Variants in WDPCP observed in about 807,000 individuals in gnomAD.
WDPCP encodes WD repeat-containing and planar cell polarity effector protein fritz homolog.
A neutral mutation model predicts 93.1 loss-of-function variants in WDPCP; 71 were observed. That is an observed-to-expected ratio of 0.76 (90% confidence interval 0.63 to 0.93). The LOEUF (loss-of-function observed/expected upper bound fraction) is 0.93, where lower values mean the gene tolerates loss of function less well. WDPCP is among the 40% of genes least tolerant of loss of function. The pLI is 0.00. For synonymous variants in WDPCP, 315 were observed against 315.0 expected (o/e 1.00, Z 0.00); for missense variants, 844 against 887.4 (o/e 0.95, Z 0.62).
At chr2:63,305,673 C>A (rs1685677169) in intron 13 of WDPCP, among the ~76,000 whole-genome samples, 1 of 151,992 alleles carries the variant, frequency 6.6e-6, no homozygotes, top group Admixed American at 6.6e-5. Flanking sequence ...CAGCTCCTTG[C>A]CAGCAAGGGA....
chr2:63,265,652 A>T (rs1267636306), intron 13 of WDPCP, among the ~76,000 whole-genome samples: 2 of 152,190 alleles, frequency 1.3e-5, no homozygotes, highest in Admixed American at 1.3e-4. Context: ...CGTACTTCCA[A>T]ACTCACTGTG....
At chr2:63,368,772 C>A (rs1691144211) in intron 12 of WDPCP, 1 of 152,140 alleles carries the variant, frequency 6.6e-6, no homozygotes, top group Admixed American at 6.6e-5. Context: ...AAGGTTGTGT[C>A]TACATTGTAT....
intron 9 of WDPCP, among the ~76,000 whole-genome samples, chr2:63,424,834 A>T (rs1696141674): frequency 6.6e-6 from 1 of 152,190 alleles, no homozygotes; most frequent in Non-Finnish European, 1.5e-5. Flanking sequence ...CCTGAGGCCT[A>T]GAATACCTAA....
intron 13 of WDPCP, among the ~76,000 whole-genome samples, chr2:63,265,790 G>A (rs1448252946): frequency 6.6e-6 from 1 of 152,058 alleles, no homozygotes; most frequent in Non-Finnish European, 1.5e-5. Context: ...AAATTCAGTG[G>A]CACATTAAAA....
In WDPCP at chr2:63,763,796, T is replaced by G. The variant is rs183368360; in HGVS notation, n.308+49826A>C. ...TGTGCCAAAAAATTGCTGTTAGAAG[T>G]TGTTTTTAAAAATAGAATCTTTAAG... On this transcript the variant is annotated intron_variant and non_coding_transcript_variant, in intron 2 of 4. Transcript: ENST00000467687. 1.2e-4 allele frequency among the ~76,000 whole-genome samples: 19 copies of G among 152,242 alleles called. No homozygotes were observed. The East Asian group carries it at 1.7e-3, about 14-fold the overall frequency.
At chr2:63,442,543 A>G (rs369478598) in intron 6 of WDPCP, 46 of 152,108 alleles carry the variant, frequency 3.0e-4, no homozygotes, top group African/African-American at 9.9e-4. Context: ...TTGTTAACCA[A>G]CTCTGAGCAC....
chr2:63,706,607 T>C (rs926145973), intron 2 of WDPCP, among the ~76,000 whole-genome samples: 20 of 130,550 alleles, frequency 1.5e-4, no homozygotes, highest in Non-Finnish European at 3.3e-4. Flanking sequence ...TTTCTTTTTT[T>C]TTTTTTTTTT....
At chr2:63,453,518 T>C (rs1314385583) in intron 6 of WDPCP, among the ~76,000 whole-genome samples, 3 of 152,190 alleles carry the variant, frequency 2.0e-5, no homozygotes, top group Non-Finnish European at 2.9e-5. Flanking sequence ...AGTTCAATCA[T>C]TGTGGAAGAC....
chr2:63,645,345 C>T (rs262479), intron 3 of WDPCP, among the ~76,000 whole-genome samples: 122,440 of 152,180 alleles, frequency 0.8, 49,909 homozygotes, highest in East Asian at 0.98. Context: ...TTTAGTTGTA[C>T]TCCATTGTGA....
At chr2:63,795,507 AAAAG>A (rs1224663205) in intron 2 of WDPCP, among the ~76,000 whole-genome samples, 14 of 151,740 alleles carry the variant, frequency 9.2e-5, no homozygotes, top group East Asian at 1.9e-4. Context: ...CTCAAAAAAA[AAAAG>A]AAAGAAAGAA....
intron 2 of WDPCP, among the ~76,000 whole-genome samples, chr2:63,796,088 T>C (rs1405204291): frequency 6.6e-6 from 1 of 152,234 alleles, no homozygotes; most frequent in Non-Finnish European, 1.5e-5. Flanking sequence ...GTTTCTCTAC[T>C]TTTTAAAAAA....
chr2:63,188,344 T>A (rs1474360938), intron 14 of WDPCP, among the ~76,000 whole-genome samples: 11 of 152,140 alleles, frequency 7.2e-5, no homozygotes, highest in Non-Finnish European at 1.3e-4. Context: ...CAGGTTCTGT[T>A]AATTTATCTT....
chr2:63,433,202 C>T lies in WDPCP; in HGVS notation c.825+543G>A, dbSNP rs17027873. ...CTATAGCTCTCCTTAAATATCCTTG[C>T]GCCAAATGCGGTCTGGCACGACAGG... On this transcript the variant is annotated intron_variant, in intron 9 of 17. Coordinates refer to ENST00000272321, the MANE Select transcript of WDPCP (RefSeq NM_015910.7). 7.4e-4 allele frequency among the ~76,000 whole-genome samples: 112 copies of T among 152,254 alleles called. 1 individual carries two copies. The highest frequency in any genetic ancestry group is 2.5e-3 in the Admixed American group (38 of 15,298).
intron 14 of WDPCP, among the ~76,000 whole-genome samples, chr2:63,238,333 A>G (rs1283983892): frequency 6.6e-6 from 1 of 152,318 alleles, no homozygotes; most frequent in East Asian, 1.9e-4. Context: ...ACACTACTGC[A>G]TGTGACTACT....
intron 7 of WDPCP, chr2:63,437,827 G>A (rs751769390): frequency 1.3e-6 from 2 of 1,582,440 alleles, no homozygotes; most frequent in South Asian, 2.3e-5. Context: ...TTAGAAACAG[G>A]GCTATAAAGG....
At chr2:63,573,241 C>CA (rs1198084895) in intron 1 of WDPCP, among the ~76,000 whole-genome samples, 146 of 119,214 alleles carry the variant, frequency 1.2e-3, no homozygotes, top group Non-Finnish European at 1.5e-3. Flanking sequence ...AGACCTGCCT[C>CA]AAAAAAAAAA....
intron 14 of WDPCP, among the ~76,000 whole-genome samples, chr2:63,190,808 T>C (rs1299415277): frequency 6.6e-6 from 1 of 151,998 alleles, no homozygotes; most frequent in Admixed American, 6.6e-5. Flanking sequence ...AAGCAGAATT[T>C]TGGTGGGGGT....
chr2:63,173,803 C>G (rs1426043088), intron 15 of WDPCP, among the ~76,000 whole-genome samples: 1 of 152,060 alleles, frequency 6.6e-6, no homozygotes, highest in African/African-American at 2.4e-5. Context: ...TTAATGTGTA[C>G]AGTTTGAGGC....
rs191874523 is a variant in WDPCP at position 63,544,237 on chromosome 2, C to T, written c.75+43960G>A. ...ACCACCTAGTGTTTACTCAGTAATTCCACAAATTTAATAAAGTTCTCAGCA... is the reference window on the plus strand; with the variant it reads ...ACCACCTAGTGTTTACTCAGTAATTTCACAAATTTAATAAAGTTCTCAGCA... On this transcript the variant is annotated intron_variant, in intron 1 of 17. Coordinates refer to ENST00000272321, the MANE Select transcript of WDPCP (RefSeq NM_015910.7). Among the ~76,000 whole-genome samples the T allele has an allele frequency of 5.9e-5, 9 of 152,026 alleles. No individual in the cohort carries two copies. The East Asian group carries it at 1.4e-3, about 23-fold the overall frequency.
Sources: gnomAD v4.1 joint callset for allele counts (sites outside exome capture counted in the v4.1 genomes callset) on GRCh38, gnomAD v4.1.1 for gene constraint, MANE v1.5 for transcripts, NCBI Gene and HGNC (gene_info 2026-07-23, HGNC 2026-07-21) for gene names.